DGLUCY: variants seen among roughly 807,000 people sequenced by gnomAD.
The protein encoded by DGLUCY is D-glutamate cyclase, mitochondrial.
DGLUCY carries 58 observed loss-of-function variants against 58.5 expected under a neutral mutation model. The ratio of observed to expected loss-of-function variants is 0.99; its 90% confidence interval spans 0.80 to 1.23. The LOEUF (loss-of-function observed/expected upper bound fraction) is 1.23. Among genes scored for constraint, DGLUCY ranks in the 50% most tolerant of loss-of-function variants. DGLUCY has a pLI of 0.00. For missense variants in DGLUCY, 779 were observed against 784.7 expected, an observed-to-expected ratio of 0.99 and a Z score of 0.09; for synonymous variants, 325 against 314.1, an observed-to-expected ratio of 1.03 and a Z score of -0.37.
In DGLUCY at chr14:91,215,546, C is replaced by A; in HGVS notation, c.1706C>A (p.Ser569Ter). ...CAGGCCTGGACTCAGGCCCTCCCGT[C>A]GGTCATTAAGGTAACAAACCCCAGC... ...GDQAWTQALP[S>*]VIKEEKMLGI... The change falls in exon 13 of 14, where the codon TCG (serine) becomes TAG (stop). Residue 569 changes from serine to a stop codon, truncating the protein, a stop_gained. Transcript: ENST00000256324. LOFTEE classifies it low-confidence loss of function (END_TRUNC). The A allele has an allele frequency of 6.2e-7, 1 of 1,613,738 alleles. No individual in the cohort carries two copies. The highest frequency in any genetic ancestry group is 8.5e-7 in the Non-Finnish European group (1 of 1,179,632).
At chr14:91,146,796 T>C (rs1207463972) in intron 1 of DGLUCY, among the ~76,000 whole-genome samples, 2 of 152,048 alleles carry the variant, frequency 1.3e-5, no homozygotes, top group Non-Finnish European at 2.9e-5. Flanking sequence ...TGTGCTCCTA[T>C]TCTTTATGTT....
intron 1 of DGLUCY, among the ~76,000 whole-genome samples, chr14:91,144,809 G>A (rs2046927583): frequency 6.6e-6 from 1 of 152,180 alleles, no homozygotes. Flanking sequence ...GAAGGCACAA[G>A]CAGTATATGA....
chr14:91,072,933 C>T (rs1425777947), intron 1 of DGLUCY, among the ~76,000 whole-genome samples: 4 of 151,922 alleles, frequency 2.6e-5, no homozygotes, highest in Admixed American at 6.6e-5. Context: ...GGCATGAACC[C>T]GGCAGGCAGA....
At chr14:91,221,586 AGATGGATGCATGCATG>A (rs1225716284) in intron 13 of DGLUCY, among the ~76,000 whole-genome samples, 1 of 151,410 alleles carries the variant, frequency 6.6e-6, no homozygotes, top group African/African-American at 2.4e-5. Context: ...ATGGATGCAT[AGATGGATGCATGCATG>A]GATGGATGGA....
intron 13 of DGLUCY, among the ~76,000 whole-genome samples, chr14:91,224,327 A>G (rs984359649): frequency 3.3e-5 from 5 of 152,238 alleles, no homozygotes; most frequent in African/African-American, 7.2e-5. Flanking sequence ...CAGGAGTTCA[A>G]TACCAGTCTG....
chr14:91,091,221 C>T (rs907768153), intron 1 of DGLUCY: 1 of 151,948 alleles, frequency 6.6e-6, no homozygotes, highest in Non-Finnish European at 1.5e-5. Flanking sequence ...TGGAAAGCCC[C>T]CCTCAAAAAA....
At chr14:91,061,985 T>G (rs1041393993) in intron 1 of DGLUCY, among the ~76,000 whole-genome samples, 3 of 152,140 alleles carry the variant, frequency 2.0e-5, no homozygotes, top group African/African-American at 7.2e-5. Context: ...GATGTGATCT[T>G]TTAAACTAAG....
chr14:91,168,535 A>G (rs182708044), intron 4 of DGLUCY, among the ~76,000 whole-genome samples: 6 of 152,206 alleles, frequency 3.9e-5, no homozygotes, highest in Admixed American at 3.9e-4. Flanking sequence ...TGTGCTGCCA[A>G]CTTGGAAACT....
chr14:91,083,277 T>A (rs140694024), intron 1 of DGLUCY, among the ~76,000 whole-genome samples: 114 of 152,230 alleles, frequency 7.5e-4, no homozygotes, highest in Middle Eastern at 3.4e-3. Flanking sequence ...ATCCCAGCAC[T>A]TTGGGAGGCC....
intron 1 of DGLUCY, among the ~76,000 whole-genome samples, chr14:91,065,272 AGTGAAGT>A (rs2043801802): frequency 6.6e-6 from 1 of 152,222 alleles, no homozygotes; most frequent in Non-Finnish European, 1.5e-5. Context: ...GAATCAGGAT[AGTGAAGT>A]GTCTTTCTCT....
chr14:91,210,509 C>G (rs745402018), intron 12 of DGLUCY, among the ~76,000 whole-genome samples: 3 of 151,872 alleles, frequency 2.0e-5, no homozygotes, highest in Non-Finnish European at 4.4e-5. Context: ...CCAGCCTTGG[C>G]AACAGAGTGA....
chr14:91,109,466 C>T (rs2044656756), upstream of DGLUCY, among the ~76,000 whole-genome samples: 1 of 152,054 alleles, frequency 6.6e-6, no homozygotes, highest in Non-Finnish European at 1.5e-5. Flanking sequence ...TGAGAAAGGT[C>T]ACAGGAAACC....
intron 12 of DGLUCY, among the ~76,000 whole-genome samples, chr14:91,206,490 C>G (rs947341916): frequency 5.3e-5 from 8 of 152,104 alleles, no homozygotes; most frequent in Non-Finnish European, 1.5e-5. Context: ...TCAAACTATT[C>G]TTATGCCTCA....
At chr14:91,143,581 A>G (rs2046856040) in intron 1 of DGLUCY, among the ~76,000 whole-genome samples, 1 of 152,186 alleles carries the variant, frequency 6.6e-6, no homozygotes, top group African/African-American at 2.4e-5. Context: ...TATGTTTGGC[A>G]AGGAATGGGA....
chr14:91,171,921 C>T (rs2048592505), intron 5 of DGLUCY, among the ~76,000 whole-genome samples: 1 of 152,190 alleles, frequency 6.6e-6, no homozygotes, highest in African/African-American at 2.4e-5. Flanking sequence ...CCCTTGCCTC[C>T]CTCTGCCCGT....
intron 1 of DGLUCY, chr14:91,114,820 A>C (rs1486273501): frequency 1.3e-5 from 2 of 152,308 alleles, no homozygotes; most frequent in Non-Finnish European, 2.9e-5. Flanking sequence ...GGCCAGGCTG[A>C]TCACCCCTGC....
chr14:91,128,434 C>G (rs1236432962), intron 1 of DGLUCY, among the ~76,000 whole-genome samples: 2 of 151,712 alleles, frequency 1.3e-5, no homozygotes, highest in Admixed American at 1.3e-4. Flanking sequence ...ATGGAGGTCA[C>G]AATGAGCCAT....
chr14:91,209,357 T>C (rs1032884571), intron 12 of DGLUCY, among the ~76,000 whole-genome samples: 1 of 152,028 alleles, frequency 6.6e-6, no homozygotes, highest in Non-Finnish European at 1.5e-5. Flanking sequence ...ATATGGTAGC[T>C]ATTAATCCAA....
Position 91,171,097 on chromosome 14 carries a change from C to G in DGLUCY, c.456+896C>G, listed in dbSNP as rs568728875. On this transcript the variant is annotated intron_variant, in intron 5 of 13. Coordinates refer to ENST00000256324, the MANE Select transcript of DGLUCY (RefSeq NM_001102368.3). ...CAGGCACCCATGGCAGTCTCTGGCT[C>G]TGGAACACAGCACCCTTTGTAGGAG... 3.0e-4 allele frequency among the ~76,000 whole-genome samples: 45 copies of G among 152,242 alleles called. No individual in the cohort carries two copies. The East Asian group carries it at 6.8e-3, about 23-fold the overall frequency.
Sources: gnomAD v4.1 joint callset for allele counts (sites outside exome capture counted in the v4.1 genomes callset) on GRCh38, gnomAD v4.1.1 for gene constraint, MANE v1.5 for transcripts, NCBI Gene and HGNC (gene_info 2026-07-23, HGNC 2026-07-21) for gene names.